GABRG3: variants seen among roughly 807,000 people sequenced by gnomAD.
GABRG3 encodes gamma-aminobutyric acid type A receptor subunit gamma3.
GABRG3 carries 25 observed loss-of-function variants against 48.8 expected under a neutral mutation model. That is an observed-to-expected ratio of 0.51 (90% CI 0.37 to 0.72). GABRG3 has a LOEUF of 0.72. GABRG3 is among the 30% of genes least tolerant of loss of function. The probability of loss-of-function intolerance (pLI) is 0.00; values close to 1 mark genes in which losing one functional copy is unlikely to be tolerated. For missense variants in GABRG3, 394 were observed against 577.9 expected (o/e 0.68, Z 3.26); for synonymous variants, 227 against 217.6 (o/e 1.04, Z -0.38).
intron 5 of GABRG3, among the ~76,000 whole-genome samples, chr15:27,354,768 C>T (rs1475085999): frequency 6.6e-6 from 1 of 152,192 alleles, no homozygotes; most frequent in Non-Finnish European, 1.5e-5. Flanking sequence ...ATTCAATTCC[C>T]ACAAGCTCAA....
chr15:27,241,999 G>A (rs1890140845), intron 3 of GABRG3, among the ~76,000 whole-genome samples: 1 of 152,220 alleles, frequency 6.6e-6, no homozygotes, highest in Non-Finnish European at 1.5e-5. Flanking sequence ...AGGATGTTCA[G>A]CTGATATGAC....
rs539744899 is a variant in GABRG3 at position 27,020,694 on chromosome 15, G to A, written c.203-6060G>A. ...TGCCTCCCAAAGTGCTGGGATTACCGGCTTGAGCCACCGCGCCCGGCCTGT... is the reference window on the plus strand; with the variant it reads ...TGCCTCCCAAAGTGCTGGGATTACCAGCTTGAGCCACCGCGCCCGGCCTGT... On this transcript the variant is annotated intron_variant, in intron 2 of 9. Coordinates refer to ENST00000615808, the MANE Select transcript of GABRG3 (RefSeq NM_033223.5). Among the ~76,000 whole-genome samples, 63 of 152,142 alleles carry A rather than the reference G, an allele frequency of 4.1e-4. 3 individuals are homozygous for A. The South Asian group carries it at 0.013, about 31-fold the overall frequency.
At chr15:27,398,704 A>C (rs1023558190) in intron 5 of GABRG3, among the ~76,000 whole-genome samples, 1 of 150,896 alleles carries the variant, frequency 6.6e-6, no homozygotes, top group Non-Finnish European at 1.5e-5. Flanking sequence ...CTATTATAGG[A>C]CAATGAAAGA....
chr15:27,492,590 G>A (rs953774495), intron 6 of GABRG3, among the ~76,000 whole-genome samples: 4 of 152,216 alleles, frequency 2.6e-5, no homozygotes, highest in Non-Finnish European at 4.4e-5. Flanking sequence ...AGGCCCCAGT[G>A]TATTCCAGGG....
At chr15:27,044,733 T>C (rs150966048) in intron 3 of GABRG3, among the ~76,000 whole-genome samples, 92 of 152,312 alleles carry the variant, frequency 6.0e-4, no homozygotes, top group African/African-American at 2.0e-3. Flanking sequence ...ACAATGTTAA[T>C]GGACAGAGAA....
chr15:27,263,150 C>T (rs1301832993), intron 3 of GABRG3, among the ~76,000 whole-genome samples: 2 of 152,090 alleles, frequency 1.3e-5, no homozygotes, highest in African/African-American at 2.4e-5. Flanking sequence ...TGACAGTGAC[C>T]GTAAACTTCT....
chr15:27,015,366 A>C (rs1184479757), intron 2 of GABRG3, among the ~76,000 whole-genome samples: 1 of 146,920 alleles, frequency 6.8e-6, no homozygotes, highest in Non-Finnish European at 1.5e-5. Flanking sequence ...CTTGCCGCTC[A>C]CTTTCTTTTG....
At chr15:27,105,215 C>T (rs1030643526) in intron 3 of GABRG3, among the ~76,000 whole-genome samples, 15 of 152,018 alleles carry the variant, frequency 9.9e-5, no homozygotes, top group African/African-American at 4.8e-5. Flanking sequence ...ATAAAAGGAT[C>T]GATTCACCAG....
intron 5 of GABRG3, among the ~76,000 whole-genome samples, chr15:27,436,995 TAGAGAGAGAGAGAGAGAGAGAG>T (rs10549691): frequency 1.5e-5 from 2 of 130,594 alleles, no homozygotes; most frequent in South Asian, 2.8e-4. Flanking sequence ...CTCCGAAAAA[TAGAGAGAGAGAGAGAGAGAGAG>T]AGAGAGAGAG....
chr15:27,091,543 ATTC>A (rs1218772634), intron 3 of GABRG3, among the ~76,000 whole-genome samples: 1 of 152,044 alleles, frequency 6.6e-6, no homozygotes, highest in Non-Finnish European at 1.5e-5. Context: ...ACTGGTGTTG[ATTC>A]TTCTTTAAAT....
chr15:27,135,525 C>G (rs939605884), intron 3 of GABRG3, among the ~76,000 whole-genome samples: 1 of 152,148 alleles, frequency 6.6e-6, no homozygotes, highest in Non-Finnish European at 1.5e-5. Flanking sequence ...ATCAGACAGA[C>G]CATGTCTCAA....
Position 27,351,598 on chromosome 15 carries a change from TTGTGTGTGTATGGTA to T in GABRG3, c.574+22731_574+22745del, listed in dbSNP as rs1266277288. 5.8e-5 allele frequency among the ~76,000 whole-genome samples: 8 copies of T among 138,734 alleles called. No homozygotes were observed. In the South Asian group the frequency reaches 1.2e-3, roughly 21 times the overall value. 91.0% of individuals were successfully genotyped at this position (138,734 alleles called of 152,430 possible). Reference sequence around the variant, plus strand: ...TGTGTATGGTGTGTGTGTATGGCGTTTGTGTGTGTATGGTATGTGTGTGTATGGTATGTGTTTGTG... The same window carrying T: ...TGTGTATGGTGTGTGTGTATGGCGTTTGTGTGTGTATGGTATGTGTTTGTG... On this transcript the variant is annotated intron_variant, in intron 5 of 9. Transcript: ENST00000615808.
rs763203846 is a variant in GABRG3, at chr15:27,166,328, T to G, written c.270+139507T>G. Among the ~76,000 whole-genome samples, 13 of 152,340 alleles carry G rather than the reference T, an allele frequency of 8.5e-5. No homozygotes were observed. The South Asian group carries it at 1.4e-3, about 17-fold the overall frequency. ...CTGATTGCAAATAGAGTATCACCAT[T>G]AATTCCATTTTAGTATTGATTTGCT... On this transcript the variant is annotated intron_variant, in intron 3 of 9. Transcript: ENST00000615808.
rs866790239 is a variant in GABRG3, at chr15:27,527,391, G to A, written c.866-42G>A. On this transcript the variant is annotated intron_variant, in intron 7 of 9. Transcript: ENST00000615808. ...GGTGACCGTCTGGGATTCCTGTTGC[G>A]TGTTGCACCCTTTTACAACATGCTA... 1.5e-5 allele frequency: 24 copies of A among 1,579,878 alleles called. No individual in the cohort carries two copies. The Middle Eastern group carries it at 6.5e-4, about 43-fold the overall frequency.
intron 2 of GABRG3, among the ~76,000 whole-genome samples, chr15:27,016,243 T>TC (rs1462316406): frequency 2.7e-5 from 4 of 150,232 alleles, no homozygotes; most frequent in African/African-American, 4.9e-5. Flanking sequence ...TTTCTTTCTT[T>TC]TTTTTTTTTT....
intron 3 of GABRG3, among the ~76,000 whole-genome samples, chr15:27,062,811 C>T (rs4340300): frequency 0.074 from 11,274 of 152,196 alleles, 390 homozygotes; most frequent in Middle Eastern, 0.11. Flanking sequence ...TTAATTTTCA[C>T]TGAACTGTAA....
At chr15:27,072,603 C>T (rs533792579) in intron 3 of GABRG3, among the ~76,000 whole-genome samples, 5 of 152,316 alleles carry the variant, frequency 3.3e-5, no homozygotes, top group African/African-American at 1.2e-4. Context: ...GCACAAGTGA[C>T]TTACTGCGGA....
chr15:27,340,262 C>A (rs1555373051), intron 5 of GABRG3, among the ~76,000 whole-genome samples: 1 of 152,120 alleles, frequency 6.6e-6, no homozygotes, highest in Non-Finnish European at 1.5e-5. Context: ...TGCACAGTTT[C>A]TCTGCGGCCT....
chr15:27,415,689 AT>A (rs772912488), intron 5 of GABRG3, among the ~76,000 whole-genome samples: 3 of 152,114 alleles, frequency 2.0e-5, no homozygotes, highest in Non-Finnish European at 2.9e-5. Flanking sequence ...TGGTCAAGCA[AT>A]TCTAATAGCC....
Sources: gnomAD v4.1 joint callset for allele counts (sites outside exome capture counted in the v4.1 genomes callset) on GRCh38, gnomAD v4.1.1 for gene constraint, MANE v1.5 for transcripts, NCBI Gene and HGNC (gene_info 2026-07-23, HGNC 2026-07-21) for gene names.